The following UBE2V2 variants were observed in gnomAD, a reference collection of about 807,000 sequenced individuals.
UBE2V2 encodes ubiquitin conjugating enzyme E2 V2.
Under a neutral mutation model 17.2 loss-of-function variants are expected in UBE2V2, and 9 were observed. The observed-to-expected ratio is 0.52, with a 90% CI of 0.32 to 0.91. UBE2V2 has a LOEUF of 0.91. Among genes scored for constraint, UBE2V2 ranks in the 40% least tolerant of loss-of-function variants. UBE2V2 has a pLI of 0.04. For missense variants in UBE2V2, 133 were observed against 182.6 expected, an observed-to-expected ratio of 0.73 and a Z score of 1.56; for synonymous variants, 61 against 57.5, an observed-to-expected ratio of 1.06 and a Z score of -0.28.
At chr8:48,015,898 T>G (rs1031070493) in intron 1 of UBE2V2, among the ~76,000 whole-genome samples, 1 of 148,218 alleles carries the variant, frequency 6.7e-6, no homozygotes, top group Admixed American at 6.7e-5. Context: ...CTGTGTGGTT[T>G]TTTTTTTTTT....
At chr8:48,004,618 G>A (rs569336157), upstream of UBE2V2, among the ~76,000 whole-genome samples, 111 of 149,022 alleles carry the variant, frequency 7.4e-4, no homozygotes, top group African/African-American at 2.7e-3. Context: ...TGCAACCTCC[G>A]CCTCTTGGGT....
chr8:47,998,807 G>A, the UBE2V2 span, among the ~76,000 whole-genome samples: 3 of 152,100 alleles, frequency 2.0e-5, no homozygotes, highest in African/African-American at 7.2e-5. Context: ...TAGACCCAAA[G>A]TCAGGCGAGC....
intron 1 of UBE2V2, among the ~76,000 whole-genome samples, chr8:48,016,076 T>C (rs1024066046): frequency 6.6e-6 from 1 of 152,060 alleles, no homozygotes; most frequent in African/African-American, 2.4e-5. Flanking sequence ...TTTTGTATTT[T>C]AGTAGAGATG....
intron 1 of UBE2V2, among the ~76,000 whole-genome samples, chr8:48,024,273 A>T (rs2091324899): frequency 6.6e-6 from 1 of 152,174 alleles, no homozygotes; most frequent in South Asian, 2.1e-4. Context: ...TTTTTTAGCT[A>T]GATGTTGAGT....
intron 1 of UBE2V2, among the ~76,000 whole-genome samples, chr8:48,020,651 AGT>A (rs922888777): frequency 6.6e-6 from 1 of 152,036 alleles, no homozygotes; most frequent in Non-Finnish European, 1.5e-5. Flanking sequence ...TTTTTGAGAC[AGT>A]GTGTTGCTCT....
intron 1 of UBE2V2, among the ~76,000 whole-genome samples, chr8:48,017,611 G>A (rs1563849464): frequency 6.6e-6 from 1 of 151,988 alleles, no homozygotes; most frequent in African/African-American, 2.4e-5. Context: ...GACCTCAGGT[G>A]GTCTGCCTGC....
chr8:48,051,408 G>A lies in UBE2V2; in HGVS notation c.291+1430G>A, dbSNP rs187577126. Among the ~76,000 whole-genome samples, 261 of 152,032 alleles carry A rather than the reference G, an allele frequency of 1.7e-3. 1 individual carries two copies. The highest frequency in any genetic ancestry group is 5.8e-3 in the African/African-American group (241 of 41,464). On this transcript the variant is annotated intron_variant, in intron 3 of 3. Coordinates refer to ENST00000523111, the MANE Select transcript of UBE2V2 (RefSeq NM_003350.3). Reference sequence around the variant, plus strand: ...CCTTGATTTCTCATCCCATCCCTGCGTTCCCTCTCTCTACCAGTGTATTTT... The same window carrying A: ...CCTTGATTTCTCATCCCATCCCTGCATTCCCTCTCTCTACCAGTGTATTTT...
intron 1 of UBE2V2, among the ~76,000 whole-genome samples, chr8:48,014,252 C>CA (rs1420438377): frequency 2.6e-5 from 4 of 152,010 alleles, no homozygotes; most frequent in Admixed American, 6.6e-5. Flanking sequence ...AATGGCCATG[C>CA]AAAAAACTAC....
intron 1 of UBE2V2, among the ~76,000 whole-genome samples, chr8:48,031,893 G>A (rs900672456): frequency 1.3e-5 from 2 of 152,064 alleles, no homozygotes; most frequent in African/African-American, 4.8e-5. Flanking sequence ...TGATCCACCC[G>A]CCTTGGCCTC....
intron 1 of UBE2V2, chr8:48,042,781 GT>G (rs1428206547): frequency 6.9e-6 from 2 of 291,270 alleles, no homozygotes; most frequent in African/African-American, 4.4e-5. Context: ...ACTTACATCA[GT>G]ATAAAATTGA....
At chr8:48,045,455 T>G (rs1231833070) in intron 2 of UBE2V2, among the ~76,000 whole-genome samples, 2 of 152,134 alleles carry the variant, frequency 1.3e-5, no homozygotes, top group Non-Finnish European at 2.9e-5. Context: ...GTCTTTGGAT[T>G]TCATTCCTTT....
upstream of UBE2V2, among the ~76,000 whole-genome samples, chr8:48,003,685 G>GT (rs901972107): frequency 7.2e-5 from 11 of 152,072 alleles, no homozygotes; most frequent in African/African-American, 9.7e-5. Flanking sequence ...GAACATATTA[G>GT]TTTTTTTGCT....
upstream of UBE2V2, among the ~76,000 whole-genome samples, chr8:48,004,526 TTTTG>T (rs1332028789): frequency 1.3e-5 from 2 of 148,388 alleles, no homozygotes; most frequent in Non-Finnish European, 3.0e-5. Context: ...TTTTTTTTTG[TTTTG>T]TTTTTTTGTT....
chr8:48,008,420 T>A (rs778777030), upstream of UBE2V2: 3 of 1,560,504 alleles, frequency 1.9e-6, no homozygotes, highest in Middle Eastern at 1.7e-4. Context: ...GGTTCGTGCG[T>A]GCGTGCGGGC....
intron 2 of UBE2V2, among the ~76,000 whole-genome samples, chr8:48,048,671 A>C (rs1275433773): frequency 6.6e-6 from 1 of 152,064 alleles, no homozygotes; most frequent in African/African-American, 2.4e-5. Flanking sequence ...AATAACATAC[A>C]TATAACATTG....
intron 2 of UBE2V2, among the ~76,000 whole-genome samples, chr8:48,049,401 A>G (rs868107539): frequency 6.6e-5 from 10 of 152,326 alleles, no homozygotes; most frequent in Middle Eastern, 3.4e-3. Context: ...TTCTGGGACA[A>G]TAGGAATAAG....
At chr8:48,025,014 A>C (rs1196280273) in intron 1 of UBE2V2, among the ~76,000 whole-genome samples, 1 of 151,370 alleles carries the variant, frequency 6.6e-6, no homozygotes, top group Non-Finnish European at 1.5e-5. Flanking sequence ...AGCTCACTGC[A>C]ACCTCCGCTT....
chr8:48,049,811 GGTA>G (rs2091523262), intron 2 of UBE2V2, 39 bp from the exon 3 acceptor site: 1 of 1,535,642 alleles, frequency 6.5e-7, no homozygotes, highest in East Asian at 2.3e-5. Flanking sequence ...TAATATTTTA[GGTA>G]TTGTTATTTT....
chr8:48,017,749 T>G (rs1028579084), intron 1 of UBE2V2, among the ~76,000 whole-genome samples: 1 of 152,120 alleles, frequency 6.6e-6, no homozygotes, highest in Non-Finnish European at 1.5e-5. Context: ...TTTTTGCTTT[T>G]GTTGAGTGTG....
Sources: gnomAD v4.1 joint callset for allele counts (sites outside exome capture counted in the v4.1 genomes callset) on GRCh38, gnomAD v4.1.1 for gene constraint, MANE v1.5 for transcripts, NCBI Gene and HGNC (gene_info 2026-07-23, HGNC 2026-07-21) for gene names.